The following ATXN2 variants were observed in gnomAD, a reference collection of about 807,000 sequenced individuals.
ATXN2 encodes the protein ataxin 2.
In ATXN2, 37 loss-of-function variants were observed where a neutral mutation model predicts 138.6. The ratio of observed to expected loss-of-function variants is 0.27; its 90% confidence interval spans 0.21 to 0.35. The LOEUF (loss-of-function observed/expected upper bound fraction) is 0.35, where lower values mean the gene tolerates loss of function less well. ATXN2 is among the 10% of genes least tolerant of loss of function. ATXN2 has a pLI of 1.00. For missense variants in ATXN2, 1,216 were observed against 1,480.3 expected (o/e 0.82, Z 2.93); for synonymous variants, 549 against 543.7 (o/e 1.01, Z -0.13).
At chr12:111,599,495 G>A, upstream of ATXN2, 1 of 1,215,622 alleles carries the variant, frequency 8.2e-7, no homozygotes, top group Non-Finnish European at 1.0e-6. Flanking sequence ...ACTCCGAGGA[G>A]CTGCGGCCGC....
intron 1 of ATXN2, among the ~76,000 whole-genome samples, chr12:111,570,083 A>G (rs1883228923): frequency 1.3e-5 from 2 of 152,228 alleles, no homozygotes; most frequent in African/African-American, 4.8e-5. Flanking sequence ...GTGTGGAAGT[A>G]GCCACAATAC....
intron 1 of ATXN2, among the ~76,000 whole-genome samples, chr12:111,556,823 A>T (rs1014446762): frequency 1.3e-4 from 19 of 151,992 alleles, no homozygotes; most frequent in African/African-American, 4.1e-4. Context: ...CTCAAAAAAA[A>T]AAAAAGAAAG....
intron 1 of ATXN2, among the ~76,000 whole-genome samples, chr12:111,579,454 G>A (rs1883863405): frequency 6.6e-6 from 1 of 151,970 alleles, no homozygotes; most frequent in African/African-American, 2.4e-5. Flanking sequence ...TAGAGATGGG[G>A]TTTCTCCATG....
intron 5 of ATXN2, among the ~76,000 whole-genome samples, chr12:111,539,069 T>C (rs1036600093): frequency 1.3e-5 from 2 of 150,412 alleles, no homozygotes; most frequent in African/African-American, 4.8e-5. Flanking sequence ...AAAGATACTG[T>C]TTATGGGTGA....
rs947477618 is a variant in ATXN2, at chr12:111,540,734, G to A, written c.571+11546C>T. On this transcript the variant is annotated intron_variant, in intron 5 of 24. Coordinates refer to ENST00000673436, the MANE Select transcript of ATXN2 (RefSeq NM_001372574.1). ...TTTTTTGAGATGGAGTCACTCTGTC[G>A]CCCAAGCTGGAGTGATGTGGCACAA... 2.3e-4 allele frequency among the ~76,000 whole-genome samples: 32 copies of A among 137,292 alleles called. 1 individual carries two copies. The highest frequency in any genetic ancestry group is 4.2e-4 in the Non-Finnish European group (27 of 63,962). The allele number at this position is 137,292 out of a possible 152,430, so 90.1% of individuals were successfully genotyped here.
intron 14 of ATXN2, 77 bp downstream of exon 14, chr12:111,509,472 G>A (rs1047989967): frequency 2.4e-5 from 20 of 835,190 alleles, no homozygotes; most frequent in African/African-American, 1.2e-4. Flanking sequence ...TATACATAAC[G>A]CATTTTTATA....
At chr12:111,587,100 C>T (rs1292239502) in intron 1 of ATXN2, among the ~76,000 whole-genome samples, 1 of 149,650 alleles carries the variant, frequency 6.7e-6, no homozygotes, top group Non-Finnish European at 1.5e-5. Context: ...AAAAGAACTC[C>T]CCTTTCTAAA....
intron 5 of ATXN2, among the ~76,000 whole-genome samples, chr12:111,525,762 G>T (rs1341628381): frequency 6.7e-6 from 1 of 149,942 alleles, no homozygotes; most frequent in Non-Finnish European, 1.5e-5. Flanking sequence ...TCGGCTCACT[G>T]CAACCTCTGC....
At chr12:111,540,839 C>A (rs1881460480) in intron 5 of ATXN2, among the ~76,000 whole-genome samples, 1 of 149,184 alleles carries the variant, frequency 6.7e-6, no homozygotes, top group Non-Finnish European at 1.5e-5. Flanking sequence ...GGATTACAGG[C>A]ATGTGCTACC....
chr12:111,471,419 C>T (rs1876407911), intron 18 of ATXN2: 1 of 152,338 alleles, frequency 6.6e-6, no homozygotes, highest in South Asian at 2.1e-4. Flanking sequence ...TCCTCCAGCA[C>T]GAGCTAGCTA....
chr12:111,557,814 A>G (rs2135792783), intron 1 of ATXN2, among the ~76,000 whole-genome samples: 1 of 152,280 alleles, frequency 6.6e-6, no homozygotes, highest in East Asian at 1.9e-4. Flanking sequence ...GGGGGGGTGT[A>G]CTTATAGTCT....
At chr12:111,573,064 A>G (rs1375422663) in intron 1 of ATXN2, among the ~76,000 whole-genome samples, 2 of 152,228 alleles carry the variant, frequency 1.3e-5, no homozygotes, top group African/African-American at 4.8e-5. Context: ...AAAAAATTAT[A>G]AACAAACTTT....
At chr12:111,556,018 G>A (rs1882369833) in intron 1 of ATXN2, 99 bp from the exon 2 acceptor site, 1 of 979,634 alleles carries the variant, frequency 1.0e-6, no homozygotes, top group South Asian at 1.7e-5. Context: ...ATAAAGGAGA[G>A]GCTATCTGTG....
At chr12:111,527,708 T>C (rs1880575655) in intron 5 of ATXN2, among the ~76,000 whole-genome samples, 1 of 152,190 alleles carries the variant, frequency 6.6e-6, no homozygotes, top group Non-Finnish European at 1.5e-5. Context: ...GGGGGTGGAA[T>C]GGAGCATTCA....
chr12:111,582,999 T>G (rs867201088), intron 1 of ATXN2, among the ~76,000 whole-genome samples: 2,540 of 137,816 alleles, frequency 0.018, 28 homozygotes, highest in Non-Finnish European at 0.026. Flanking sequence ...GTTTGTTTTT[T>G]TTTTTTTTTT....
chr12:111,599,378 G>GCCGCGCCACCGCCGCCCCGC (rs1397773461), upstream of ATXN2: 11 of 1,161,414 alleles, frequency 9.5e-6, no homozygotes, highest in Non-Finnish European at 1.2e-5. Context: ...CGGTCCCGGG[G>GCCGCGCCACCGCCGCCCCGC]CCGCGCCACC....
chr12:111,464,743 T>A, intron 20 of ATXN2, 28 bp from the exon 21 acceptor site: 1 of 1,590,068 alleles, frequency 6.3e-7, no homozygotes, highest in Non-Finnish European at 8.6e-7. Context: ...AAAGGTAAAT[T>A]AGCCTTTTGA....
intron 5 of ATXN2, among the ~76,000 whole-genome samples, chr12:111,547,836 A>ATTTTTTTTTTTTTTTTTT (rs34988312): frequency 2.0e-5 from 2 of 100,222 alleles, no homozygotes; most frequent in African/African-American, 4.9e-5. Flanking sequence ...TTGCTTGAGA[A>ATTTTTTTTTTTTTTTTTT]TTTTTTTTTT....
At chr12:111,489,464 T>C (rs1877873903) in intron 14 of ATXN2, among the ~76,000 whole-genome samples, 1 of 151,806 alleles carries the variant, frequency 6.6e-6, no homozygotes, top group Admixed American at 6.6e-5. Context: ...AATACAAAAA[T>C]TAGCCAGGCA....
Sources: allele counts gnomAD v4.1 joint callset (sites outside exome capture counted in the v4.1 genomes callset), GRCh38; gene constraint gnomAD v4.1.1; transcripts MANE v1.5; gene names NCBI Gene and HGNC (gene_info 2026-07-23, HGNC 2026-07-21).